The following MYO5A variants were observed in gnomAD, a reference collection of about 807,000 sequenced individuals.
The protein encoded by MYO5A is myosin VA, also known as unconventional myosin-Va.
A neutral mutation model predicts 249.7 loss-of-function variants in MYO5A; 98 were observed. The ratio of observed to expected loss-of-function variants is 0.39; its 90% confidence interval spans 0.33 to 0.46. The LOEUF (loss-of-function observed/expected upper bound fraction) is 0.46, where lower values mean the gene tolerates loss of function less well. Ranked by LOEUF, MYO5A falls within the 20% of genes least tolerant of loss-of-function variation. MYO5A has a pLI of 0.98. For synonymous variants in MYO5A, 778 were observed against 810.6 expected (o/e 0.96, Z 0.68); for missense variants, 1,696 against 2,308.8 (o/e 0.73, Z 5.44).
At chr15:52,422,935 A>G (rs1229304265) in intron 4 of MYO5A, among the ~76,000 whole-genome samples, 3 of 151,938 alleles carry the variant, frequency 2.0e-5, no homozygotes, top group Admixed American at 2.0e-4. Context: ...CCCAGGCTGG[A>G]GTGTGGTAGC....
chr15:52,455,324 A>G (rs936991887), intron 1 of MYO5A, among the ~76,000 whole-genome samples: 2 of 152,008 alleles, frequency 1.3e-5, no homozygotes, highest in African/African-American at 2.4e-5. Flanking sequence ...TCATAACAAC[A>G]ACGACAAAAA....
At position 52,334,145 on chromosome 15, in the gene MYO5A, A is replaced by G. The variant is rs73408444; in HGVS notation, c.4408+2318T>C. ...GATTTCTGATTGACAATGGCTTAAG[A>G]TTAGTAATATCTTAAAATAGTCTAA... On this transcript the variant is annotated intron_variant, in intron 34 of 41. Transcript: ENST00000399233. Among the ~76,000 whole-genome samples, 163 of 152,350 alleles carry G rather than the reference A, an allele frequency of 1.1e-3. 1 individual carries two copies. The highest frequency in any genetic ancestry group is 3.7e-3 in the African/African-American group (152 of 41,566).
chr15:52,460,930 A>G (rs1040705931), intron 1 of MYO5A, among the ~76,000 whole-genome samples: 1 of 152,182 alleles, frequency 6.6e-6, no homozygotes, highest in Non-Finnish European at 1.5e-5. Context: ...TGCTCACAAT[A>G]TATTTTTAAG....
chr15:52,473,742 T>C (rs2076529662), intron 1 of MYO5A, among the ~76,000 whole-genome samples: 1 of 152,296 alleles, frequency 6.6e-6, no homozygotes, highest in Non-Finnish European at 1.5e-5. Context: ...TTCTGTTCCA[T>C]TGGTCTATAT....
chr15:52,501,429 G>A (rs925455343), intron 1 of MYO5A, among the ~76,000 whole-genome samples: 38 of 151,868 alleles, frequency 2.5e-4, no homozygotes, highest in African/African-American at 8.7e-4. Context: ...GTGAGGCCCC[G>A]TTTCTACAAA....
intron 1 of MYO5A, among the ~76,000 whole-genome samples, chr15:52,493,426 G>T (rs986852183): frequency 6.6e-6 from 1 of 152,148 alleles, no homozygotes; most frequent in Non-Finnish European, 1.5e-5. Flanking sequence ...ACTTTGAGAG[G>T]TCGAGGCAGG....
At chr15:52,334,046 T>A (rs2039006596) in intron 34 of MYO5A, among the ~76,000 whole-genome samples, 1 of 152,250 alleles carries the variant, frequency 6.6e-6, no homozygotes, top group Non-Finnish European at 1.5e-5. Context: ...CCTTTTTTGT[T>A]TGATCTATGA....
At chr15:52,466,200 C>T (rs2076348885) in intron 1 of MYO5A, among the ~76,000 whole-genome samples, 1 of 152,182 alleles carries the variant, frequency 6.6e-6, no homozygotes, top group Non-Finnish European at 1.5e-5. Context: ...GCAAGCTGCA[C>T]CTCACACGCC....
intron 2 of MYO5A, among the ~76,000 whole-genome samples, chr15:52,431,470 G>A (rs977970532): frequency 6.6e-6 from 1 of 151,900 alleles, no homozygotes; most frequent in Non-Finnish European, 1.5e-5. Context: ...AGTATAGTAT[G>A]CATACATATT....
rs56741244 is a variant in MYO5A, at chr15:52,405,050, G to C, written c.1053+237C>G. Among the ~76,000 whole-genome samples the C allele has an allele frequency of 0.014, 542 of 39,764 alleles. No individual in the cohort carries two copies. The highest frequency in any genetic ancestry group is 0.044 in the African/African-American group (506 of 11,572). 26.1% of individuals were successfully genotyped at this position (39,764 alleles called of 152,430 possible). On this transcript the variant is annotated intron_variant, in intron 9 of 41. Coordinates refer to ENST00000399233, the MANE Select transcript of MYO5A (RefSeq NM_001382347.1). ...ACCCTCTCTCTTTCTCTCTCTCTCT[G>C]TCACACACACACACACACACACACA...
chr15:52,384,987 T>C (rs1451867858), intron 14 of MYO5A, among the ~76,000 whole-genome samples: 1 of 152,234 alleles, frequency 6.6e-6, no homozygotes, highest in Non-Finnish European at 1.5e-5. Context: ...ATTTATAACT[T>C]CAACAAATAA....
chr15:52,351,998 C>G (rs1260825807), intron 27 of MYO5A, among the ~76,000 whole-genome samples: 1 of 152,226 alleles, frequency 6.6e-6, no homozygotes, highest in Non-Finnish European at 1.5e-5. Context: ...AGTTTACCAT[C>G]TCATTCAAAC....
chr15:52,335,326 G>T (rs947063042), intron 34 of MYO5A, among the ~76,000 whole-genome samples: 1 of 152,004 alleles, frequency 6.6e-6, no homozygotes, highest in Non-Finnish European at 1.5e-5. Context: ...GATCAGCCTG[G>T]CCAACATGGT....
chr15:52,359,457 T>C (rs536133653), intron 25 of MYO5A, among the ~76,000 whole-genome samples: 244 of 152,312 alleles, frequency 1.6e-3, no homozygotes, highest in African/African-American at 5.7e-3. Flanking sequence ...TCCATGCATT[T>C]TGTAGAAGAA....
At chr15:52,492,013 A>G (rs1322147721) in intron 1 of MYO5A, among the ~76,000 whole-genome samples, 1 of 152,242 alleles carries the variant, frequency 6.6e-6, no homozygotes, top group Admixed American at 6.5e-5. Flanking sequence ...CAAAGTAGAC[A>G]AAAAGAATAT....
intron 19 of MYO5A, 94 bp downstream of exon 19, chr15:52,376,253 G>A: frequency 8.9e-7 from 1 of 1,127,216 alleles, no homozygotes; most frequent in Admixed American, 1.8e-5. Context: ...GAAAAGGTGA[G>A]GTGTTATCTT....
rs1399408086 is a variant in MYO5A at position 52,311,633 on chromosome 15, A to G, written c.*2063T>C. 1 of 152,254 alleles carries G rather than the reference A, an allele frequency of 6.6e-6. No homozygotes were observed. Among genetic ancestry groups the G allele is most frequent in the Non-Finnish European group, 1.5e-5 (1 of 68,046 alleles). 9.4% of individuals were successfully genotyped at this position (152,254 alleles called of 1,614,324 possible). A position where few individuals can be genotyped will look rare whatever the true frequency, so the allele number is the denominator to read the frequency against. Reference sequence around the variant, plus strand: ...TGTACATTTAAGAAAGGTTACAGCTACACAAACTTGTGATTTTACATTTGA... The same window carrying G: ...TGTACATTTAAGAAAGGTTACAGCTGCACAAACTTGTGATTTTACATTTGA... On this transcript the variant is annotated 3_prime_UTR_variant, in exon 42 of 42. Transcript: ENST00000399233.
At chr15:52,427,251 AT>A (rs2075415958) in intron 3 of MYO5A, among the ~76,000 whole-genome samples, 1 of 152,200 alleles carries the variant, frequency 6.6e-6, no homozygotes, top group Non-Finnish European at 1.5e-5. Context: ...GTGTAAAGTC[AT>A]TTCTAAATGC....
chr15:52,366,628 G>GAA (rs2040821644), intron 23 of MYO5A, among the ~76,000 whole-genome samples: 1 of 26,312 alleles, frequency 3.8e-5, no homozygotes, highest in African/African-American at 1.8e-4. Flanking sequence ...CATTGATTTA[G>GAA]CAAAAAAAAA....
Sources: gnomAD v4.1 joint callset for allele counts (sites outside exome capture counted in the v4.1 genomes callset) on GRCh38, gnomAD v4.1.1 for gene constraint, MANE v1.5 for transcripts, NCBI Gene and HGNC (gene_info 2026-07-23, HGNC 2026-07-21) for gene names.